The following AGAP1 variants were observed in gnomAD, a reference collection of about 807,000 sequenced individuals.
AGAP1 encodes the protein arf-GAP with GTPase, ANK repeat and PH domain-containing protein 1.
AGAP1 carries 29 observed loss-of-function variants against 105.3 expected under a neutral mutation model. That is an observed-to-expected ratio of 0.28 (90% CI 0.21 to 0.38). The LOEUF (loss-of-function observed/expected upper bound fraction) is 0.38, where lower values mean the gene tolerates loss of function less well. AGAP1 is among the 10% of genes least tolerant of loss of function. AGAP1 has a pLI of 1.00. For synonymous variants in AGAP1, 509 were observed against 485.9 expected (o/e 1.05, Z -0.63); for missense variants, 998 against 1,165.1 (o/e 0.86, Z 2.09).
chr2:235,588,224 G>T (rs572981011), intron 1 of AGAP1, among the ~76,000 whole-genome samples: 1 of 107,926 alleles, frequency 9.3e-6, no homozygotes, highest in Non-Finnish European at 1.9e-5. Flanking sequence ...GTGAGACTCC[G>T]TCTCAAAAAA....
At chr2:235,606,945 GAAAA>G (rs5839603) in intron 1 of AGAP1, among the ~76,000 whole-genome samples, 3 of 61,936 alleles carry the variant, frequency 4.8e-5, no homozygotes, top group Non-Finnish European at 6.1e-5. Flanking sequence ...ACTGCCTCTT[GAAAA>G]AAAAAAAAAA....
intron 6 of AGAP1, among the ~76,000 whole-genome samples, chr2:235,762,792 G>A (rs1015169587): frequency 6.6e-6 from 1 of 152,146 alleles, no homozygotes; most frequent in Admixed American, 6.5e-5. Flanking sequence ...AGAATTGCTT[G>A]GACCCAGGAG....
At chr2:235,762,209 C>A (rs1404064930) in intron 6 of AGAP1, among the ~76,000 whole-genome samples, 1 of 152,048 alleles carries the variant, frequency 6.6e-6, no homozygotes, top group Non-Finnish European at 1.5e-5. Context: ...CCACAAACCA[C>A]TGGGTTAGCA....
At chr2:235,833,190 G>A (rs1475197491) in intron 9 of AGAP1, among the ~76,000 whole-genome samples, 1 of 152,234 alleles carries the variant, frequency 6.6e-6, no homozygotes, top group Admixed American at 6.5e-5. Flanking sequence ...CATTGGAGCA[G>A]TGCTGTGGAA....
At chr2:236,029,625 A>G (rs1281532668) in intron 13 of AGAP1, among the ~76,000 whole-genome samples, 1 of 152,016 alleles carries the variant, frequency 6.6e-6, no homozygotes, top group Middle Eastern at 3.2e-3. Context: ...GTGGACGTCT[A>G]TTGGTAATAA....
intron 13 of AGAP1, among the ~76,000 whole-genome samples, chr2:236,010,708 C>T (rs1465892991): frequency 6.6e-6 from 1 of 152,156 alleles, no homozygotes; most frequent in Non-Finnish European, 1.5e-5. Context: ...CTAACGCCTT[C>T]GGTGTTCCTC....
At chr2:236,069,729 A>G (rs2058448525) in intron 16 of AGAP1, among the ~76,000 whole-genome samples, 1 of 152,166 alleles carries the variant, frequency 6.6e-6, no homozygotes, top group Non-Finnish European at 1.5e-5. Context: ...TGGAAATGTG[A>G]TGATGCAGGT....
chr2:235,747,347 C>T lies in AGAP1; in HGVS notation c.538+2508C>T, dbSNP rs144986813. Among the ~76,000 whole-genome samples, 33 of 152,260 alleles carry T rather than the reference C, an allele frequency of 2.2e-4. 1 individual carries two copies. Among genetic ancestry groups the T allele is most frequent in the African/African-American group, 5.5e-4 (23 of 41,558 alleles). ...ATGAATTCCATGAACATCCGTTGATCGGATGTGGAAAGATGCCCAGGAAGG... is the reference window on the plus strand; with the variant it reads ...ATGAATTCCATGAACATCCGTTGATTGGATGTGGAAAGATGCCCAGGAAGG... On this transcript the variant is annotated intron_variant, in intron 5 of 17. Coordinates refer to ENST00000304032, the MANE Select transcript of AGAP1 (RefSeq NM_001037131.3). This position sits in a 1 kb window ranked among gnomAD's most constrained non-coding sequence, Gnocchi z 5.0.
chr2:236,003,345 C>T lies in AGAP1; in HGVS notation c.1646-33216C>T, dbSNP rs1397702623. On this transcript the variant is annotated intron_variant, in intron 13 of 17. Coordinates refer to ENST00000304032, the MANE Select transcript of AGAP1 (RefSeq NM_001037131.3). This position sits in a 1 kb window ranked among gnomAD's most constrained non-coding sequence, Gnocchi z 4.2. ...CAAGAGTGAGCCACCACGCCCAGCCCAGGATGCTTTCTTTTCATGGGTCTT... is the reference window on the plus strand; with the variant it reads ...CAAGAGTGAGCCACCACGCCCAGCCTAGGATGCTTTCTTTTCATGGGTCTT... 1.3e-5 allele frequency among the ~76,000 whole-genome samples: 2 copies of T among 152,188 alleles called. No individual in the cohort carries two copies. The highest frequency in any genetic ancestry group is 2.9e-5 in the Non-Finnish European group (2 of 68,036).
rs950197316 is a variant in AGAP1 at position 235,692,333 on chromosome 2, T to C, written c.164-16846T>C. ...CCAGGGTGCCAGTGGGGACCTTGCCTTCTCCAGCACTGGGCCGTCCACTTT... is the reference window on the plus strand; with the variant it reads ...CCAGGGTGCCAGTGGGGACCTTGCCCTCTCCAGCACTGGGCCGTCCACTTT... On this transcript the variant is annotated intron_variant, in intron 1 of 17. Coordinates refer to ENST00000304032, the MANE Select transcript of AGAP1 (RefSeq NM_001037131.3). The surrounding 1 kb of genome is among the most constrained non-coding windows in gnomAD (Gnocchi z 5.8). Among the ~76,000 whole-genome samples the C allele has an allele frequency of 4.6e-5, 7 of 152,060 alleles. No individual in the cohort carries two copies. Among genetic ancestry groups the C allele is most frequent in the Admixed American group, 3.9e-4 (6 of 15,268 alleles).
chr2:236,081,562 A>G (rs2058782784), intron 16 of AGAP1, among the ~76,000 whole-genome samples: 1 of 152,118 alleles, frequency 6.6e-6, no homozygotes, highest in African/African-American at 2.4e-5. Context: ...TTACTTTTCA[A>G]AGCTTTTCCA....
rs755883622 is a variant in AGAP1 at position 235,494,899 on chromosome 2, C to A, written c.163+50C>A. The stretch of plus-strand genomic sequence containing the variant: ...CTCGGGAAGGCACGGACGCCCGCGG[C>A]GCGGCGGGGGTGTGCGCTGTGTGCG... On this transcript the variant is annotated intron_variant, in intron 1 of 17. Coordinates refer to ENST00000304032, the MANE Select transcript of AGAP1 (RefSeq NM_001037131.3). 2.0e-6 allele frequency: 3 copies of A among 1,507,432 alleles called. No individual in the cohort carries two copies. In the South Asian group the frequency reaches 3.6e-5, roughly 18 times the overall value. 93.4% of individuals were successfully genotyped at this position (1,507,432 alleles called of 1,614,324 possible).
rs866661667 is a variant in AGAP1, at chr2:236,053,829, G to A, written c.2114+4548G>A. Among the ~76,000 whole-genome samples, 3 of 152,252 alleles carry A rather than the reference G, an allele frequency of 2.0e-5. No homozygotes were observed. The highest frequency in any genetic ancestry group is 4.4e-5 in the Non-Finnish European group (3 of 68,050). On this transcript the variant is annotated intron_variant, in intron 16 of 17. Transcript: ENST00000304032. The surrounding 1 kb of genome is among the most constrained non-coding windows in gnomAD (Gnocchi z 4.6). ...AGAGCTCTTGAGAGGCGCTTTAAGC[G>A]CAACTGAAATCACCCATTACCTCTT...
chr2:235,923,623 G>C (rs2052298598), intron 11 of AGAP1, among the ~76,000 whole-genome samples: 1 of 150,192 alleles, frequency 6.7e-6, no homozygotes, highest in African/African-American at 2.5e-5. Flanking sequence ...TCTCGTGCTT[G>C]TCTCCGGCTC....
At chr2:235,565,098 T>C (rs1161618381) in intron 1 of AGAP1, among the ~76,000 whole-genome samples, 1 of 119,744 alleles carries the variant, frequency 8.4e-6, no homozygotes, top group Non-Finnish European at 1.7e-5. Flanking sequence ...CAGCTGTGAA[T>C]TTGAACCACC....
In AGAP1 at chr2:236,092,393, G is replaced by GTTTGT. The variant is rs967518116; in HGVS notation, c.2115-27786_2115-27782dup. Reference sequence around the variant, plus strand: ...TCTGTATTATTTCTTTTTCTTTTTTGTTTGTTTTGTTTTGTTTGTGACAGA... The same window carrying GTTTGT: ...TCTGTATTATTTCTTTTTCTTTTTTGTTTGTTTTGTTTTGTTTTGTTTGTGACAGA... On this transcript the variant is annotated intron_variant, in intron 16 of 17. Transcript: ENST00000304032. This position sits in a 1 kb window ranked among gnomAD's most constrained non-coding sequence, Gnocchi z 4.7. 1.3e-5 allele frequency among the ~76,000 whole-genome samples: 2 copies of GTTTGT among 151,858 alleles called. No individual in the cohort carries two copies. Among genetic ancestry groups the GTTTGT allele is most frequent in the Admixed American group, 6.6e-5 (1 of 15,262 alleles).
chr2:235,849,050 C>G (rs969479465), intron 9 of AGAP1, among the ~76,000 whole-genome samples: 7 of 152,166 alleles, frequency 4.6e-5, no homozygotes, highest in Non-Finnish European at 1.0e-4. Flanking sequence ...CTGGTTAATT[C>G]TGGTGTTATT....
intron 1 of AGAP1, among the ~76,000 whole-genome samples, chr2:235,581,992 G>A (rs1414155730): frequency 6.6e-6 from 1 of 152,164 alleles, no homozygotes. Context: ...AATTCTTAAG[G>A]CCTGAGTGTT....
At chr2:235,718,433 T>C (rs1159902650) in intron 3 of AGAP1, 2 of 982,152 alleles carry the variant, frequency 2.0e-6, no homozygotes, top group African/African-American at 1.7e-5. Context: ...TGTCTTGTTT[T>C]GGAGAGAGAG....
Sources: allele counts gnomAD v4.1 joint callset (sites outside exome capture counted in the v4.1 genomes callset), GRCh38; gene constraint gnomAD v4.1.1; non-coding constraint Gnocchi (gnomAD v3.1); transcripts MANE v1.5; gene names NCBI Gene and HGNC (gene_info 2026-07-23, HGNC 2026-07-21).